The following PDE4B variants were observed in gnomAD, a reference collection of about 807,000 sequenced individuals.
The protein encoded by PDE4B is 3',5'-cyclic-AMP phosphodiesterase 4B.
PDE4B carries 20 observed loss-of-function variants against 82.2 expected under a neutral mutation model. The ratio of observed to expected loss-of-function variants is 0.24; its 90% confidence interval spans 0.17 to 0.35. The LOEUF (loss-of-function observed/expected upper bound fraction) is 0.35, where lower values mean the gene tolerates loss of function less well. Among genes scored for constraint, PDE4B ranks in the 10% least tolerant of loss-of-function variants. The pLI is 1.00. For missense variants in PDE4B, 655 were observed against 907.2 expected (o/e 0.72, Z 3.57); for synonymous variants, 320 against 318.9 (o/e 1.00, Z -0.04).
intron 8 of PDE4B, chr1:66,354,334 G>A (rs1662062853): frequency 2.1e-6 from 2 of 941,184 alleles, no homozygotes; most frequent in Non-Finnish European, 2.5e-6. Flanking sequence ...TTGAAATGGG[G>A]GAGGGTACTG....
intron 3 of PDE4B, among the ~76,000 whole-genome samples, chr1:66,058,613 C>G (rs1655424371): frequency 6.6e-6 from 1 of 152,226 alleles, no homozygotes; most frequent in South Asian, 2.1e-4. Context: ...CCTGCAGACC[C>G]AACACCATGT....
chr1:66,078,609 C>T (rs755062813), intron 3 of PDE4B, among the ~76,000 whole-genome samples: 1 of 152,048 alleles, frequency 6.6e-6, no homozygotes, highest in Non-Finnish European at 1.5e-5. Flanking sequence ...TCTCTAGAAT[C>T]GAGACAAAAC....
chr1:66,131,103 T>G (rs964252843), intron 3 of PDE4B, among the ~76,000 whole-genome samples: 23 of 152,120 alleles, frequency 1.5e-4, no homozygotes, highest in African/African-American at 4.8e-4. Context: ...ATTTTTCAAT[T>G]TCAGGTTGGC....
At chr1:66,302,442 A>C (rs960677419) in intron 7 of PDE4B, among the ~76,000 whole-genome samples, 2 of 152,152 alleles carry the variant, frequency 1.3e-5, no homozygotes, top group African/African-American at 2.4e-5. Flanking sequence ...ATGATATTAA[A>C]ATTAGCTTTC....
At chr1:65,984,108 A>G (rs531753828) in intron 3 of PDE4B, among the ~76,000 whole-genome samples, 43 of 152,338 alleles carry the variant, frequency 2.8e-4, no homozygotes, top group Non-Finnish European at 4.7e-4. Flanking sequence ...GCAAATAAGT[A>G]AACAAACTGG....
chr1:65,814,623 C>G (rs138107889), intron 1 of PDE4B, among the ~76,000 whole-genome samples: 2 of 152,156 alleles, frequency 1.3e-5, no homozygotes, highest in Non-Finnish European at 2.9e-5. Context: ...CTAACCCATC[C>G]TTTGGCAAAC....
chr1:66,017,742 G>C (rs111366704), intron 3 of PDE4B, among the ~76,000 whole-genome samples: 2,640 of 152,170 alleles, frequency 0.017, 78 homozygotes, highest in African/African-American at 0.06. Flanking sequence ...TAGAAACTCA[G>C]CTGAGAGCAA....
chr1:66,031,359 C>T (rs1653766239), intron 3 of PDE4B, among the ~76,000 whole-genome samples: 1 of 152,158 alleles, frequency 6.6e-6, no homozygotes, highest in African/African-American at 2.4e-5. Context: ...AGCAGGGAAA[C>T]ATGGTCAAGG....
At chr1:65,870,326 A>G (rs969329933) in intron 1 of PDE4B, among the ~76,000 whole-genome samples, 1 of 152,140 alleles carries the variant, frequency 6.6e-6, no homozygotes, top group Non-Finnish European at 1.5e-5. Context: ...CAACAGCACT[A>G]TTGAGCATAA....
chr1:65,989,365 G>A (rs1173306085), intron 3 of PDE4B, among the ~76,000 whole-genome samples: 1 of 152,032 alleles, frequency 6.6e-6, no homozygotes, highest in Non-Finnish European at 1.5e-5. Flanking sequence ...GCCAGGCATG[G>A]TGGTGGGCGC....
At chr1:66,280,913 GA>G (rs1656255235) in intron 7 of PDE4B, among the ~76,000 whole-genome samples, 2 of 152,188 alleles carry the variant, frequency 1.3e-5, no homozygotes, top group African/African-American at 4.8e-5. Flanking sequence ...GTTGTCCAGA[GA>G]AAGCTGAGAG....
intron 1 of PDE4B, among the ~76,000 whole-genome samples, chr1:65,863,017 T>G (rs1646472332): frequency 6.6e-6 from 1 of 152,110 alleles, no homozygotes; most frequent in African/African-American, 2.4e-5. Context: ...TCATTGATTT[T>G]TTGGAGGGTT....
chr1:66,072,683 T>C (rs1557541042), intron 3 of PDE4B, among the ~76,000 whole-genome samples: 1 of 152,092 alleles, frequency 6.6e-6, no homozygotes, highest in Non-Finnish European at 1.5e-5. Flanking sequence ...TCTAGTTTAG[T>C]TATTAAATTA....
chr1:66,212,013 C>T (rs1021771483), intron 3 of PDE4B, among the ~76,000 whole-genome samples: 2 of 152,230 alleles, frequency 1.3e-5, no homozygotes, highest in African/African-American at 4.8e-5. Context: ...TACTCCAGCA[C>T]ATTCCTTGGA....
At chr1:65,968,265 G>A (rs1050323906) in intron 3 of PDE4B, among the ~76,000 whole-genome samples, 4 of 152,136 alleles carry the variant, frequency 2.6e-5, no homozygotes, top group African/African-American at 4.8e-5. Flanking sequence ...TAACTCTAAT[G>A]AGAGTATCTT....
chr1:66,363,220 A>T lies in PDE4B; in HGVS notation c.1073A>T (p.Tyr358Phe). The change falls in exon 11 of 17, where the codon TAT (tyrosine) becomes TTT (phenylalanine). Residue 358 changes from tyrosine (Y) to phenylalanine (F), a missense_variant. Around this residue, in one of 3 missense-constraint regions of PDE4B, gnomAD observed 283 missense variants for 516.4 expected, o/e 0.55. Transcript: ENST00000341517. ...WGLNIFNVAG[Y>F]SHNRPLTCIM... ...CTTAACATCTTTAATGTGGCTGGAT[A>T]TTCTCACAATAGACCCCTAACATGC... is the stretch of plus-strand genomic sequence containing the variant. 1 of 1,613,156 alleles carries T rather than the reference A, an allele frequency of 6.2e-7. No individual in the cohort carries two copies. Among genetic ancestry groups the T allele is most frequent in the Non-Finnish European group, 8.5e-7 (1 of 1,179,216 alleles).
chr1:66,291,332 G>A (rs1657063450), intron 7 of PDE4B, among the ~76,000 whole-genome samples: 1 of 152,112 alleles, frequency 6.6e-6, no homozygotes, highest in Non-Finnish European at 1.5e-5. Flanking sequence ...AATCCAGGCA[G>A]TCTGACTCTA....
At chr1:66,294,287 A>G (rs1316481888) in intron 7 of PDE4B, among the ~76,000 whole-genome samples, 2 of 152,334 alleles carry the variant, frequency 1.3e-5, no homozygotes, top group South Asian at 2.1e-4. Context: ...CAGAGAAGAT[A>G]TATCTAGCAT....
chr1:65,913,852 G>A (rs1197586377), intron 2 of PDE4B, among the ~76,000 whole-genome samples: 4 of 152,136 alleles, frequency 2.6e-5, no homozygotes, highest in African/African-American at 9.7e-5. Flanking sequence ...TGTTTATTGA[G>A]AATGCAGAAT....
Sources: gnomAD v4.1 joint callset for allele counts (sites outside exome capture counted in the v4.1 genomes callset) on GRCh38, gnomAD v4.1.1 for gene constraint, gnomAD v4.1.1 regional missense constraint, MANE v1.5 for transcripts, NCBI Gene and HGNC (gene_info 2026-07-23, HGNC 2026-07-21) for gene names.